Variants in ZC3H7B observed in about 807,000 individuals in gnomAD.
ZC3H7B encodes the protein zinc finger CCCH-type containing 7B.
ZC3H7B carries 35 observed loss-of-function variants against 116.0 expected under a neutral mutation model. The observed-to-expected ratio is 0.30, with a 90% CI of 0.23 to 0.40. The LOEUF (loss-of-function observed/expected upper bound fraction) is 0.40. Among genes scored for constraint, ZC3H7B ranks in the 10% least tolerant of loss-of-function variants. ZC3H7B has a pLI of 1.00. For synonymous variants in ZC3H7B, 502 were observed against 545.6 expected (o/e 0.92, Z 1.11); for missense variants, 1,011 against 1,321.5 (o/e 0.77, Z 3.64).
chr22:41,352,764 A>T (rs1276040372), intron 17 of ZC3H7B, among the ~76,000 whole-genome samples: 2 of 151,930 alleles, frequency 1.3e-5, no homozygotes, highest in Non-Finnish European at 2.9e-5. Context: ...TCCGTCTCAA[A>T]AAATAAATAA....
rs1569235345 is a variant in ZC3H7B at position 41,327,697 on chromosome 22, C to CG, written c.444+335dup. Among the ~76,000 whole-genome samples, 2 of 151,988 alleles carry CG rather than the reference C, an allele frequency of 1.3e-5. No individual in the cohort carries two copies. The highest frequency in any genetic ancestry group is 4.8e-5 in the African/African-American group (2 of 41,362). On this transcript the variant is annotated intron_variant, in intron 5 of 22. Transcript: ENST00000352645. This position sits in a 1 kb window ranked among gnomAD's most constrained non-coding sequence, Gnocchi z 4.5. ...CAGCACTTTCGGAGGCTGAGGCAGG[C>CG]GGATCACCTGAGGTCAGGAGTTTGA...
At chr22:41,310,151 G>T (rs1165178275) in intron 1 of ZC3H7B, among the ~76,000 whole-genome samples, 1 of 152,202 alleles carries the variant, frequency 6.6e-6, no homozygotes, top group Non-Finnish European at 1.5e-5. Context: ...CTTACAGTGA[G>T]CAGAGATGGC....
intron 1 of ZC3H7B, among the ~76,000 whole-genome samples, chr22:41,308,426 A>G (rs1376751316): frequency 6.6e-6 from 1 of 152,018 alleles, no homozygotes; most frequent in Non-Finnish European, 1.5e-5. Flanking sequence ...TTATTTTGTC[A>G]TTCTTGGCTT....
chr22:41,303,565 G>T (rs1209378294), intron 1 of ZC3H7B, among the ~76,000 whole-genome samples: 1 of 152,062 alleles, frequency 6.6e-6, no homozygotes, highest in East Asian at 1.9e-4. Context: ...ACATGTGTTG[G>T]CTCATCTGTC....
chr22:41,349,285 G>A lies in ZC3H7B; in HGVS notation c.1932G>A (p.Leu644=). 6.2e-7 allele frequency: 1 copy of A among 1,613,634 alleles called. No individual in the cohort carries two copies. ...GCTTCATCGAGCTCAAGGTCTGGCT[G>A]CTGCAGCAGTACTCAGGTGAGGGGC... ...AHSFIELKVW[L]LQQYSGMTHE... The change falls in exon 16 of 23, where the codon CTG becomes CTA. Residue 644 remains leucine, a synonymous_variant. Coordinates refer to ENST00000352645, the MANE Select transcript of ZC3H7B (RefSeq NM_017590.6). This position sits in a 1 kb window ranked among gnomAD's most constrained non-coding sequence, Gnocchi z 4.9.
At chr22:41,331,204 G>C (rs543268885) in intron 6 of ZC3H7B, among the ~76,000 whole-genome samples, 1 of 146,338 alleles carries the variant, frequency 6.8e-6, no homozygotes. Context: ...AGCCAAGATC[G>C]CACCATTGCA....
intron 1 of ZC3H7B, among the ~76,000 whole-genome samples, chr22:41,318,975 A>G (rs2036218430): frequency 6.6e-6 from 1 of 152,066 alleles, no homozygotes; most frequent in Non-Finnish European, 1.5e-5. Context: ...TCTCCATTCA[A>G]ATGTCAAAGT....
chr22:41,357,063 C>G lies in ZC3H7B; in HGVS notation c.2682-114C>G. ...ACCCAGGTTTTCCCTGAGCTGGGAC[C>G]CAGCTGCCCAGGGAGAGGCTTGTCT... On this transcript the variant is annotated intron_variant, in intron 22 of 22. Transcript: ENST00000352645. The surrounding 1 kb of genome is among the most constrained non-coding windows in gnomAD (Gnocchi z 5.4). The G allele has an allele frequency of 6.7e-7, 1 of 1,503,666 alleles. No individual in the cohort carries two copies. The highest frequency in any genetic ancestry group is 1.3e-5 in the South Asian group (1 of 77,476). The allele number at this position is 1,503,666 out of a possible 1,614,324, so 93.1% of individuals were successfully genotyped here.
intron 13 of ZC3H7B, 119 bp downstream of exon 13, chr22:41,343,695 G>C: frequency 7.3e-7 from 1 of 1,360,944 alleles, no homozygotes; most frequent in Non-Finnish European, 9.6e-7. Context: ...AGCTGCACGG[G>C]AGGAGAAAGC....
chr22:41,333,470 A>G (rs2036407411), intron 7 of ZC3H7B: 1 of 152,178 alleles, frequency 6.6e-6, no homozygotes, highest in South Asian at 2.1e-4. Context: ...TGCCAAAAAT[A>G]CAAAAATTAG....
intron 1 of ZC3H7B, among the ~76,000 whole-genome samples, chr22:41,313,212 G>A (rs951713543): frequency 3.3e-5 from 5 of 151,608 alleles, no homozygotes. Flanking sequence ...TCCGCCTCCC[G>A]GGTTCAAGCA....
chr22:41,313,420 C>A (rs1360685891), intron 1 of ZC3H7B, among the ~76,000 whole-genome samples: 3 of 152,160 alleles, frequency 2.0e-5, no homozygotes, highest in Non-Finnish European at 4.4e-5. Flanking sequence ...CCAGATGTCA[C>A]ATGCCCTTAC....
At chr22:41,348,200 A>G (rs2036612442) in intron 15 of ZC3H7B, 33 bp downstream of exon 15, 1 of 1,590,342 alleles carries the variant, frequency 6.3e-7, no homozygotes, top group Non-Finnish European at 8.6e-7. Context: ...GCTGAGGCCT[A>G]GGGGCCAGTG....
intron 1 of ZC3H7B, among the ~76,000 whole-genome samples, chr22:41,303,063 C>T (rs1233262140): frequency 6.6e-6 from 1 of 152,206 alleles, no homozygotes; most frequent in African/African-American, 2.4e-5. Flanking sequence ...AAAATGCTGG[C>T]AGAATCTTTA....
At chr22:41,331,416 G>T (rs564425854) in intron 6 of ZC3H7B, among the ~76,000 whole-genome samples, 1 of 59,930 alleles carries the variant, frequency 1.7e-5, no homozygotes. Flanking sequence ...ATTAGCGGGG[G>T]TGGTAGCGAG....
Position 41,356,037 on chromosome 22 carries a change from G to A in ZC3H7B, c.2358G>A (p.Met786Ile). ...CACACAGCCCGGAGGAGAGGGACAT[G>A]TGGACCTTCATGAAGGAGAACAAGA... Reference protein sequence around the residue: ...SFAHSPEERDMWTFMKENKIL... With the variant: ...SFAHSPEERDIWTFMKENKIL... Residue 786 changes from methionine (M) to isoleucine (I), a missense_variant, in exon 20 of 23, where the codon ATG becomes ATA. Physicochemically the swap from Met to Ile is conservative, Grantham distance 10. Around this residue, in one of 5 missense-constraint regions of ZC3H7B, gnomAD observed 406 missense variants for 590.2 expected, o/e 0.69. Transcript: ENST00000352645. 6.4e-7 allele frequency: 1 copy of A among 1,567,288 alleles called. No homozygotes were observed. Among genetic ancestry groups the A allele is most frequent in the Non-Finnish European group, 8.6e-7 (1 of 1,162,256 alleles).
chr22:41,323,461 C>T (rs1416356157), intron 2 of ZC3H7B, among the ~76,000 whole-genome samples: 1 of 152,224 alleles, frequency 6.6e-6, no homozygotes, highest in Non-Finnish European at 1.5e-5. Context: ...TCCCATTTCC[C>T]CTACGGGGTC....
Position 41,346,221 on chromosome 22 carries a change from C to A in ZC3H7B, c.1665+13C>A. 6.2e-7 allele frequency: 1 copy of A among 1,606,158 alleles called. No individual in the cohort carries two copies. Among genetic ancestry groups the A allele is most frequent in the Non-Finnish European group, 8.5e-7 (1 of 1,179,480 alleles). ...CTTCCTCTGCGAGGTACTGCCCACC[C>A]ACCCACTGCCACCCCATAGGCCATG... On this transcript the variant is annotated intron_variant, in intron 14 of 22. Transcript: ENST00000352645. This position sits in a 1 kb window ranked among gnomAD's most constrained non-coding sequence, Gnocchi z 5.3.
At chr22:41,340,630 AC>A (rs2145929794) in intron 10 of ZC3H7B, among the ~76,000 whole-genome samples, 1 of 152,254 alleles carries the variant, frequency 6.6e-6, no homozygotes, top group African/African-American at 2.4e-5. Context: ...CTGTCGGGGC[AC>A]GGAGGGGACT....
Sources: allele counts gnomAD v4.1 joint callset (sites outside exome capture counted in the v4.1 genomes callset), GRCh38; gene constraint gnomAD v4.1.1; regional missense constraint gnomAD v4.1.1; non-coding constraint Gnocchi (gnomAD v3.1); transcripts MANE v1.5; gene names NCBI Gene and HGNC (gene_info 2026-07-23, HGNC 2026-07-21).